Variants in MYCBPAP observed in about 807,000 individuals in gnomAD.
MYCBPAP encodes the protein MYCBP associated protein.
A neutral mutation model predicts 106.1 loss-of-function variants in MYCBPAP; 60 were observed. The ratio of observed to expected loss-of-function variants is 0.57; its 90% CI spans 0.46 to 0.70. The LOEUF is 0.70. Among genes scored for constraint, MYCBPAP ranks in the 30% least tolerant of loss-of-function variants. The pLI, the probability that MYCBPAP is intolerant of heterozygous loss-of-function variation, is 0.00. For missense variants in MYCBPAP, 1,064 were observed against 1,169.3 expected (o/e 0.91, Z 1.31); for synonymous variants, 407 against 440.6 (o/e 0.92, Z 0.95).
At position 50,527,359 on chromosome 17, in the gene MYCBPAP, C is replaced by T. The variant is rs140810944; in HGVS notation, c.2242C>T (p.Leu748=). 5.8e-5 allele frequency: 94 copies of T among 1,614,032 alleles called. No individual in the cohort carries two copies. Among genetic ancestry groups the T allele is most frequent in the Non-Finnish European group, 7.8e-5 (92 of 1,180,016 alleles). Residue 748 remains leucine (L), a synonymous_variant, in exon 15 of 19, where the codon CTG becomes TTG. Transcript: ENST00000323776. ...LMRLNKAALE[L]CQKPRPLQSN... ...GAGGCTCAACAAAGCAGCCCTGGAG[C>T]TGTGCCAGAAGCCAAGGCCATTGCA...
At chr17:50,514,405 G>A (rs2033967723) in intron 1 of MYCBPAP, among the ~76,000 whole-genome samples, 1 of 152,208 alleles carries the variant, frequency 6.6e-6, no homozygotes. Flanking sequence ...CAGGACTTAG[G>A]TTTTCTTTTG....
chr17:50,528,591 A>T, intron 16 of MYCBPAP, 104 bp from the exon 17 acceptor site: 2 of 1,457,188 alleles, frequency 1.4e-6, no homozygotes, highest in Non-Finnish European at 1.9e-6. Flanking sequence ...GCTCAAGGCT[A>T]TTGCCCTTTG....
intron 1 of MYCBPAP, chr17:50,509,251 G>T (rs1156370433): frequency 1.5e-6 from 1 of 677,688 alleles, no homozygotes; most frequent in Non-Finnish European, 2.7e-6. Flanking sequence ...AAACCCAGAA[G>T]AAAGGCCTTG....
At chr17:50,530,000 C>T (rs1458241501) in intron 18 of MYCBPAP, among the ~76,000 whole-genome samples, 1 of 152,194 alleles carries the variant, frequency 6.6e-6, no homozygotes, top group Non-Finnish European at 1.5e-5. Flanking sequence ...TCTTGCCTTC[C>T]TCTAATGTGG....
chr17:50,509,869 G>C (rs906012837), intron 1 of MYCBPAP: 2 of 152,242 alleles, frequency 1.3e-5, no homozygotes, highest in African/African-American at 4.8e-5. Context: ...TCGGGCTTAA[G>C]GGGGCTCAGA....
chr17:50,516,763 A>G, intron 2 of MYCBPAP, 66 bp downstream of exon 2: 1 of 1,590,942 alleles, frequency 6.3e-7, no homozygotes, highest in East Asian at 2.2e-5. Flanking sequence ...TGAGTGGTCT[A>G]GAACACCAGC....
intron 11 of MYCBPAP, 35 bp downstream of exon 11, chr17:50,523,163 T>G: frequency 2.5e-6 from 4 of 1,591,870 alleles, no homozygotes; most frequent in Non-Finnish European, 3.4e-6. Flanking sequence ...TGCTAGCTCC[T>G]GTCTGGGGCT....
intron 10 of MYCBPAP, 76 bp from the exon 11 acceptor site, chr17:50,522,863 C>G: frequency 6.8e-7 from 1 of 1,471,920 alleles, no homozygotes; most frequent in Non-Finnish European, 9.3e-7. Flanking sequence ...CAGAAAAGTC[C>G]TGGGCAGACC....
chr17:50,524,552 C>T (rs2034386878), intron 12 of MYCBPAP, among the ~76,000 whole-genome samples: 1 of 152,056 alleles, frequency 6.6e-6, no homozygotes. Flanking sequence ...TGTGCCCTGC[C>T]CCTTCTTCCT....
rs1187570426 is a variant in MYCBPAP at position 50,518,578 on chromosome 17, C to T, written c.506C>T (p.Thr169Ile). Residue 169 changes from threonine (T) to isoleucine (I), a missense_variant, in exon 5 of 19, where the codon ACC becomes ATC. Thr to Ile is a moderately conservative substitution (Grantham distance 89, BLOSUM62 -1). Coordinates refer to ENST00000323776, the MANE Select transcript of MYCBPAP (RefSeq NM_032133.6). ...ATACCTACCTCACCCTGTCTGATGA[C>T]CCTCATCTCTGCTGAAGGAGAGTCA... Reference protein sequence around the residue: ...ERIPTSPCLMTLISAEGESKQ... With the variant: ...ERIPTSPCLMILISAEGESKQ... 1.2e-6 allele frequency: 2 copies of T among 1,603,322 alleles called. No homozygotes were observed. The highest frequency in any genetic ancestry group is 1.4e-5 in the African/African-American group (1 of 73,938).
chr17:50,525,422 C>T (rs539522309), intron 13 of MYCBPAP, among the ~76,000 whole-genome samples: 15 of 152,278 alleles, frequency 9.9e-5, no homozygotes, highest in African/African-American at 2.4e-4. Context: ...CTCTGTTCTG[C>T]GCATCTTCCA....
chr17:50,510,763 C>G (rs535491919), intron 1 of MYCBPAP, among the ~76,000 whole-genome samples: 2 of 148,274 alleles, frequency 1.3e-5, no homozygotes, highest in African/African-American at 5.0e-5. Flanking sequence ...TCAAGCGATC[C>G]TCCCACCTTG....
Position 50,521,954 on chromosome 17 carries a change from T to G in MYCBPAP, c.1149-19T>G, listed in dbSNP as rs2034274113. Reference sequence around the variant, plus strand: ...CTGTGGCAGCCTAAGAGAAAATAAGTCATTGGCTTTTCTTACAGAGGCACA... The same window carrying G: ...CTGTGGCAGCCTAAGAGAAAATAAGGCATTGGCTTTTCTTACAGAGGCACA... On this transcript the variant is annotated intron_variant, in intron 9 of 18. Transcript: ENST00000323776. 1 of 1,609,312 alleles carries G rather than the reference T, an allele frequency of 6.2e-7. No homozygotes were observed. The highest frequency in any genetic ancestry group is 8.5e-7 in the Non-Finnish European group (1 of 1,176,286).
intron 10 of MYCBPAP, chr17:50,522,726 T>TATATATATATA (rs56247158): frequency 0.011 from 709 of 63,766 alleles, 71 homozygotes; most frequent in East Asian, 0.05. Context: ...ATATATATAT[T>TATATATATATA]TGTTTTATCT....
chr17:50,518,605 A>G lies in MYCBPAP; in HGVS notation c.533A>G (p.Lys178Arg). The G allele has an allele frequency of 6.2e-7, 1 of 1,608,892 alleles. No homozygotes were observed. Among genetic ancestry groups the G allele is most frequent in the Non-Finnish European group, 8.5e-7 (1 of 1,178,370 alleles). Residue 178 changes from lysine to arginine, a missense_variant, in exon 5 of 19, where the codon AAG becomes AGG. Physicochemically the swap from Lys to Arg is conservative, Grantham distance 26. Coordinates refer to ENST00000323776, the MANE Select transcript of MYCBPAP (RefSeq NM_032133.6). ...CTCATCTCTGCTGAAGGAGAGTCAA[A>G]GCAAAAAGCCCCAAAAGAAGAGAAG... ...MTLISAEGES[K>R]QKAPKEEKRP...
chr17:50,524,403 G>C (rs1279593804), intron 12 of MYCBPAP, among the ~76,000 whole-genome samples: 2 of 152,118 alleles, frequency 1.3e-5, no homozygotes, highest in Non-Finnish European at 2.9e-5. Flanking sequence ...GTGATCAAAG[G>C]TAATTTTGAC....
intron 1 of MYCBPAP, chr17:50,510,499 G>GTGTATA (rs1418345705): frequency 2.9e-3 from 222 of 76,386 alleles, no homozygotes; most frequent in Non-Finnish European, 3.6e-3. Context: ...GTGTGTGTGT[G>GTGTATA]TATATATATA....
At chr17:50,516,746 G>A (rs201073400) in intron 2 of MYCBPAP, 49 bp downstream of exon 2, 262 of 1,608,392 alleles carry the variant, frequency 1.6e-4, no homozygotes, top group Non-Finnish European at 2.0e-4. Flanking sequence ...TTTCCCTGCC[G>A]GCAGCCTGAG....
chr17:50,517,153 G>A (rs573970157), intron 2 of MYCBPAP, 140 bp from the exon 3 acceptor site: 50 of 776,578 alleles, frequency 6.4e-5, no homozygotes, highest in Admixed American at 3.7e-4. Context: ...GCATTTCCTT[G>A]ACAGAACATA....
Sources: allele counts gnomAD v4.1 joint callset (sites outside exome capture counted in the v4.1 genomes callset), GRCh38; gene constraint gnomAD v4.1.1; transcripts MANE v1.5; gene names NCBI Gene and HGNC (gene_info 2026-07-23, HGNC 2026-07-21).